The following ERC2 variants were observed in gnomAD, a reference collection of about 807,000 sequenced individuals.
The protein encoded by ERC2 is ELKS/RAB6-interacting/CAST family member 2, also known as ERC protein 2.
ERC2 carries 42 observed loss-of-function variants against 114.8 expected under a neutral mutation model. That is an observed-to-expected ratio of 0.37 (90% CI 0.29 to 0.47). The LOEUF (loss-of-function observed/expected upper bound fraction) is 0.47. Ranked by LOEUF, ERC2 falls within the 20% of genes least tolerant of loss-of-function variation. The probability of loss-of-function intolerance (pLI) is 0.99; values close to 1 mark genes in which losing one functional copy is unlikely to be tolerated. For synonymous variants in ERC2, 454 were observed against 425.5 expected (o/e 1.07, Z -0.82); for missense variants, 939 against 1,150.7 (o/e 0.82, Z 2.66).
intron 2 of ERC2, among the ~76,000 whole-genome samples, chr3:56,350,491 T>G (rs2058509837): frequency 6.6e-6 from 1 of 152,240 alleles, no homozygotes; most frequent in African/African-American, 2.4e-5. Context: ...TTTTAAAGTT[T>G]ACAGCTCAAA....
intron 10 of ERC2, among the ~76,000 whole-genome samples, chr3:56,005,637 C>T (rs2072424035): frequency 6.6e-6 from 1 of 151,962 alleles, no homozygotes; most frequent in Admixed American, 6.6e-5. Flanking sequence ...AATGACTCAT[C>T]AGAGTAGGTG....
chr3:56,145,759 T>C lies in ERC2; in HGVS notation c.1305+3218A>G, dbSNP rs568754128. ...AAAATGTTATATCATGGTTTTTCTATGATGTCATGTTTGTAAAAGCAATTC... is the reference window on the plus strand; with the variant it reads ...AAAATGTTATATCATGGTTTTTCTACGATGTCATGTTTGTAAAAGCAATTC... On this transcript the variant is annotated intron_variant, in intron 5 of 17. Transcript: ENST00000288221. Among the ~76,000 whole-genome samples the C allele has an allele frequency of 3.7e-3, 559 of 152,324 alleles. 2 individuals are homozygous for C. Among genetic ancestry groups the C allele is most frequent in the Non-Finnish European group, 5.1e-3 (346 of 68,024 alleles).
At chr3:56,218,703 C>T (rs891742940) in intron 3 of ERC2, among the ~76,000 whole-genome samples, 12 of 152,176 alleles carry the variant, frequency 7.9e-5, no homozygotes, top group Admixed American at 2.0e-4. Context: ...AGGTTTATTG[C>T]GGCACTATTA....
chr3:55,648,049 C>T (rs1210408599), intron 17 of ERC2, among the ~76,000 whole-genome samples: 1 of 152,140 alleles, frequency 6.6e-6, no homozygotes, highest in East Asian at 1.9e-4. Flanking sequence ...GACGATGGGG[C>T]CATAAGAAGG....
intron 13 of ERC2, among the ~76,000 whole-genome samples, chr3:55,947,408 G>A (rs140057296): frequency 4.6e-5 from 7 of 152,162 alleles, no homozygotes; most frequent in East Asian, 3.9e-4. Flanking sequence ...ACCTCTCCTC[G>A]TATCTACTCC....
chr3:55,753,181 A>T (rs1011926601), intron 14 of ERC2, among the ~76,000 whole-genome samples: 2 of 152,282 alleles, frequency 1.3e-5, no homozygotes, highest in Admixed American at 1.3e-4. Context: ...TGATTTCTCA[A>T]TTCCAGTGAG....
intron 5 of ERC2, among the ~76,000 whole-genome samples, chr3:56,142,556 C>T (rs2080917152): frequency 6.6e-6 from 1 of 152,026 alleles, no homozygotes; most frequent in African/African-American, 2.4e-5. Flanking sequence ...AGCCTTGTTT[C>T]ATTCCTAAGA....
intron 13 of ERC2, among the ~76,000 whole-genome samples, chr3:55,896,223 G>A (rs183144561): frequency 6.6e-6 from 1 of 152,330 alleles, no homozygotes; most frequent in East Asian, 1.9e-4. Context: ...GGGAAGTTGG[G>A]AATCAACAAA....
intron 3 of ERC2, among the ~76,000 whole-genome samples, chr3:56,213,462 T>A (rs1176991805): frequency 6.6e-6 from 1 of 152,072 alleles, no homozygotes; most frequent in Non-Finnish European, 1.5e-5. Context: ...GCAGAGAGGC[T>A]GGGGGAGGGG....
At chr3:55,870,423 C>T (rs1043543080) in intron 14 of ERC2, among the ~76,000 whole-genome samples, 3 of 152,170 alleles carry the variant, frequency 2.0e-5, no homozygotes, top group Non-Finnish European at 4.4e-5. Context: ...AATGAGTTCC[C>T]TCAATGTTAA....
chr3:55,682,256 C>G (rs929504534), intron 17 of ERC2, among the ~76,000 whole-genome samples: 1 of 152,230 alleles, frequency 6.6e-6, no homozygotes, highest in Non-Finnish European at 1.5e-5. Context: ...GATTTCCCCA[C>G]TTCCTCATAC....
chr3:56,389,999 A>G (rs1313584767), intron 2 of ERC2, among the ~76,000 whole-genome samples: 8 of 152,196 alleles, frequency 5.3e-5, no homozygotes, highest in Non-Finnish European at 1.0e-4. Context: ...AATTTTAACA[A>G]TGAAAAATCA....
At chr3:56,145,932 C>T (rs1271485532) in intron 5 of ERC2, among the ~76,000 whole-genome samples, 1 of 152,064 alleles carries the variant, frequency 6.6e-6, no homozygotes, top group Non-Finnish European at 1.5e-5. Context: ...ATGATTTATT[C>T]ATTTTAATAG....
chr3:55,801,823 G>A (rs2071080047), intron 14 of ERC2, among the ~76,000 whole-genome samples: 1 of 152,198 alleles, frequency 6.6e-6, no homozygotes, highest in African/African-American at 2.4e-5. Flanking sequence ...CTAAGTGCAG[G>A]GCCCTGTGTG....
intron 14 of ERC2, among the ~76,000 whole-genome samples, chr3:55,786,460 G>A (rs1319128151): frequency 1.3e-5 from 2 of 152,308 alleles, no homozygotes; most frequent in Non-Finnish European, 2.9e-5. Flanking sequence ...GTGTGCAGGT[G>A]TGTACATGAG....
At chr3:55,993,989 A>G (rs1262229599) in intron 10 of ERC2, among the ~76,000 whole-genome samples, 1 of 152,180 alleles carries the variant, frequency 6.6e-6, no homozygotes, top group Non-Finnish European at 1.5e-5. Flanking sequence ...TAACTACTCC[A>G]TATACCTGCT....
chr3:56,396,801 A>G (rs889687572), intron 2 of ERC2, among the ~76,000 whole-genome samples: 3 of 152,174 alleles, frequency 2.0e-5, no homozygotes, highest in African/African-American at 7.2e-5. Context: ...GGTTCACTGA[A>G]GCATGGGGAG....
chr3:56,253,976 T>C (rs1008951512), intron 3 of ERC2, among the ~76,000 whole-genome samples: 1 of 152,234 alleles, frequency 6.6e-6, no homozygotes, highest in African/African-American at 2.4e-5. Flanking sequence ...AAGGTCTTAA[T>C]AAGAGTTTAA....
intron 2 of ERC2, among the ~76,000 whole-genome samples, chr3:56,298,165 C>T (rs11130509): frequency 0.26 from 38,995 of 152,150 alleles, 5,831 homozygotes; most frequent in Non-Finnish European, 0.33. Context: ...TGCCCTTTAG[C>T]AGTCATTCCC....
Sources: gnomAD v4.1 joint callset for allele counts (sites outside exome capture counted in the v4.1 genomes callset) on GRCh38, gnomAD v4.1.1 for gene constraint, MANE v1.5 for transcripts, NCBI Gene and HGNC (gene_info 2026-07-23, HGNC 2026-07-21) for gene names.